AHCY: variants seen among roughly 807,000 people sequenced by gnomAD.
AHCY encodes S-adenosyl-L-homocysteine hydrolase.
Under a neutral mutation model 45.4 loss-of-function variants are expected in AHCY, and 24 were observed. The observed-to-expected ratio is 0.53, with a 90% CI of 0.38 to 0.74. The LOEUF is 0.74. Among genes scored for constraint, AHCY ranks in the 30% least tolerant of loss-of-function variants. The pLI is 0.00. For synonymous variants in AHCY, 245 were observed against 235.1 expected (o/e 1.04, Z -0.39); for missense variants, 449 against 594.1 (o/e 0.76, Z 2.54).
upstream of AHCY, among the ~76,000 whole-genome samples, chr20:34,303,860 G>A (rs903990477): frequency 6.6e-6 from 1 of 152,182 alleles, no homozygotes; most frequent in Admixed American, 6.5e-5. Flanking sequence ...GCCGGGCGTG[G>A]TGGCGCGCGC....
At chr20:34,301,106 A>AT (rs2036755532) in intron 1 of AHCY, among the ~76,000 whole-genome samples, 1 of 152,138 alleles carries the variant, frequency 6.6e-6, no homozygotes, top group Non-Finnish European at 1.5e-5. Context: ...GAGTCCCAGC[A>AT]TTTACTAATG....
intron 1 of AHCY, 147 bp downstream of exon 1, chr20:34,303,095 TC>T: frequency 1.4e-6 from 2 of 1,474,798 alleles, no homozygotes; most frequent in East Asian, 2.5e-5. Flanking sequence ...AACTCCAACT[TC>T]CAGCTGGCTT....
Position 34,290,239 on chromosome 20 carries a change from G to A in AHCY, c.972+93C>T. 8.1e-7 allele frequency: 1 copy of A among 1,229,758 alleles called. No individual in the cohort carries two copies. The highest frequency in any genetic ancestry group is 1.2e-6 in the Non-Finnish European group (1 of 839,894). 76.2% of individuals were successfully genotyped at this position (1,229,758 alleles called of 1,614,324 possible). A position where few individuals can be genotyped will look rare whatever the true frequency, so the allele number is the denominator to read the frequency against. On this transcript the variant is annotated intron_variant, in intron 8 of 9. Coordinates refer to ENST00000217426, the MANE Select transcript of AHCY (RefSeq NM_000687.4). The surrounding 1 kb of genome is among the most constrained non-coding windows in gnomAD (Gnocchi z 4.5). ...CTCTTCTCCCCATCCCCCTGCACAG[G>A]TTGCCACCATCTCCTCAGCTCTCCT...
the AHCY span, among the ~76,000 whole-genome samples, chr20:34,261,659 G>A: frequency 5.3e-5 from 8 of 150,600 alleles, no homozygotes; most frequent in African/African-American, 7.3e-5. Context: ...AAAACTAGCC[G>A]GGAATGGTGG....
chr20:34,295,671 G>C (rs953516067), intron 1 of AHCY, 86 bp from the exon 2 acceptor site: 2 of 1,376,896 alleles, frequency 1.5e-6, no homozygotes, highest in Admixed American at 1.9e-5. Context: ...CCCGATCCAC[G>C]TGTGGACTCA....
intron 8 of AHCY, among the ~76,000 whole-genome samples, chr20:34,289,147 G>A (rs2036284541): frequency 6.6e-6 from 1 of 151,952 alleles, no homozygotes; most frequent in Non-Finnish European, 1.5e-5. Context: ...GGGATTACAG[G>A]CACCCACCAC....
chr20:34,301,369 C>A (rs1480540536), intron 1 of AHCY, among the ~76,000 whole-genome samples: 1 of 152,162 alleles, frequency 6.6e-6, no homozygotes, highest in Admixed American at 6.5e-5. Context: ...ACAGTTTTCC[C>A]TGGGACCCTC....
In AHCY at chr20:34,291,422, G is replaced by A; in HGVS notation, c.555C>T (p.Thr185=). The A allele has an allele frequency of 6.2e-7, 1 of 1,613,810 alleles. No individual in the cohort carries two copies. The highest frequency in any genetic ancestry group is 8.5e-7 in the Non-Finnish European group (1 of 1,179,796). ...VPAINVNDSV[T]KSKFDNLYGC... Reference sequence around the variant, plus strand: ...CTGTCACTGCCCCTCGGCTCACCTTGGTGACGGAGTCATTGACATTGATGG... The same window carrying A: ...CTGTCACTGCCCCTCGGCTCACCTTAGTGACGGAGTCATTGACATTGATGG... Residue 185 remains threonine (T), a synonymous_variant, in exon 5 of 10, where the codon ACC becomes ACT. Coordinates refer to ENST00000217426, the MANE Select transcript of AHCY (RefSeq NM_000687.4).
chr20:34,254,959 G>A, the AHCY span, among the ~76,000 whole-genome samples: 8 of 152,286 alleles, frequency 5.3e-5, no homozygotes, highest in East Asian at 1.9e-4. Context: ...CTGTTTTGCC[G>A]GGGGTTGGTC....
At chr20:34,272,487 C>T in the AHCY span, among the ~76,000 whole-genome samples, 1 of 152,216 alleles carries the variant, frequency 6.6e-6, no homozygotes, top group Non-Finnish European at 1.5e-5. Context: ...TCACTTCAGA[C>T]ACCAGTCAAA....
At chr20:34,291,142 C>T (rs2036373025) in intron 5 of AHCY, among the ~76,000 whole-genome samples, 1 of 152,218 alleles carries the variant, frequency 6.6e-6, no homozygotes, top group African/African-American at 2.4e-5. Flanking sequence ...CTTTCTCTGC[C>T]AGTGTGGAGC....
At position 34,295,508 on chromosome 20, in the gene AHCY, G is replaced by A. The variant is rs2036548764; in HGVS notation, c.106C>T (p.Arg36Trp). The A allele has an allele frequency of 3.1e-6, 5 of 1,613,946 alleles. No homozygotes were observed. The highest frequency in any genetic ancestry group is 4.2e-6 in the Non-Finnish European group (5 of 1,179,986). Residue 36 changes from arginine to tryptophan, a missense_variant, in exon 2 of 10, where the codon CGG becomes TGG. Arg to Trp is a moderately radical substitution (Grantham distance 101). Transcript: ENST00000217426. ...GGCTTGGAGGCCGAGTACCGCTCCC[G>A]CATACGCATCAGGCCCGGCATCTCG... ...ENEMPGLMRM[R>W]ERYSASKPLK...
At chr20:34,256,440 A>G in the AHCY span, among the ~76,000 whole-genome samples, 1 of 152,168 alleles carries the variant, frequency 6.6e-6, no homozygotes, top group African/African-American at 2.4e-5. Flanking sequence ...CAGACCCAGT[A>G]GGGCTGGACC....
chr20:34,261,713 G>T, the AHCY span, among the ~76,000 whole-genome samples: 5 of 151,738 alleles, frequency 3.3e-5, no homozygotes, highest in African/African-American at 4.8e-5. Flanking sequence ...GAGGCAGGAG[G>T]ATTGCTTGAG....
At chr20:34,280,074 G>A (rs1434353745), downstream of AHCY, among the ~76,000 whole-genome samples, 5 of 152,056 alleles carry the variant, frequency 3.3e-5, no homozygotes, top group Non-Finnish European at 2.9e-5. Context: ...CCTGGGTGAC[G>A]GAGCGAGACT....
intron 1 of AHCY, among the ~76,000 whole-genome samples, chr20:34,298,580 T>C (rs2036654957): frequency 7.5e-6 from 1 of 133,594 alleles, no homozygotes; most frequent in South Asian, 2.7e-4. Flanking sequence ...CACCCGCTAC[T>C]TAGCAGACTG....
chr20:34,274,050 A>G, the AHCY span, among the ~76,000 whole-genome samples: 3 of 152,148 alleles, frequency 2.0e-5, no homozygotes, highest in South Asian at 4.1e-4. Flanking sequence ...AAATAGCTTC[A>G]TTGGAGTCCA....
At chr20:34,232,325 C>A in the AHCY span, among the ~76,000 whole-genome samples, 4 of 152,188 alleles carry the variant, frequency 2.6e-5, no homozygotes. Flanking sequence ...AGACTCATGG[C>A]AGAATGTCTC....
intron 8 of AHCY, among the ~76,000 whole-genome samples, chr20:34,287,857 G>A (rs1399378666): frequency 3.3e-5 from 5 of 152,154 alleles, no homozygotes; most frequent in African/African-American, 7.2e-5. Context: ...TTGAGAGGAC[G>A]GACAAGAGAT....
Sources: gnomAD v4.1 joint callset for allele counts (sites outside exome capture counted in the v4.1 genomes callset) on GRCh38, gnomAD v4.1.1 for gene constraint, Gnocchi (gnomAD v3.1) non-coding constraint, MANE v1.5 for transcripts, NCBI Gene and HGNC (gene_info 2026-07-23, HGNC 2026-07-21) for gene names.